The following DAB1 variants were observed in gnomAD, a reference collection of about 807,000 sequenced individuals.
DAB1 encodes disabled homolog 1.
Under a neutral mutation model 64.6 loss-of-function variants are expected in DAB1, and 15 were observed. The observed-to-expected ratio is 0.23, with a 90% CI of 0.16 to 0.36. The LOEUF (loss-of-function observed/expected upper bound fraction) is 0.36. DAB1 is among the 10% of genes least tolerant of loss of function. DAB1 has a pLI of 1.00. For synonymous variants in DAB1, 235 were observed against 251.9 expected, an observed-to-expected ratio of 0.93 and a Z score of 0.64; for missense variants, 596 against 706.7, an observed-to-expected ratio of 0.84 and a Z score of 1.78.
At chr1:57,911,545 A>C (rs1012326899) in intron 5 of DAB1, among the ~76,000 whole-genome samples, 4 of 151,644 alleles carry the variant, frequency 2.6e-5, no homozygotes, top group Non-Finnish European at 4.4e-5. Context: ...CTTACCAGCC[A>C]CTCCCAATCT....
chr1:57,572,044 C>T (rs1034270710), intron 7 of DAB1, among the ~76,000 whole-genome samples: 2 of 152,114 alleles, frequency 1.3e-5, no homozygotes, highest in African/African-American at 2.4e-5. Flanking sequence ...TGGAGGTGAC[C>T]GTCCTGGCCA....
chr1:57,345,448 G>C (rs753124607), intron 1 of DAB1, among the ~76,000 whole-genome samples: 1 of 152,208 alleles, frequency 6.6e-6, no homozygotes, highest in Admixed American at 6.5e-5. Context: ...GAGTAAAGGT[G>C]ATGAGGAATA....
chr1:58,534,976 A>T (rs1378508982), intron 1 of DAB1, among the ~76,000 whole-genome samples: 1 of 152,214 alleles, frequency 6.6e-6, no homozygotes, highest in Non-Finnish European at 1.5e-5. Context: ...GGAGAACTTA[A>T]GATTTCATCT....
chr1:58,370,231 A>C (rs1387526134), intron 3 of DAB1, among the ~76,000 whole-genome samples: 1 of 152,230 alleles, frequency 6.6e-6, no homozygotes, highest in Non-Finnish European at 1.5e-5. Flanking sequence ...GAATAGAACA[A>C]ATTCATACAG....
chr1:58,009,612 G>T (rs915438340), intron 5 of DAB1, among the ~76,000 whole-genome samples: 3 of 152,104 alleles, frequency 2.0e-5, no homozygotes, highest in African/African-American at 7.2e-5. Flanking sequence ...AGTTTAAGAA[G>T]AACTTAAGAA....
intron 2 of DAB1, among the ~76,000 whole-genome samples, chr1:57,165,946 T>C (rs1377525188): frequency 6.6e-6 from 1 of 152,190 alleles, no homozygotes. Flanking sequence ...TTAGACATTC[T>C]GATGGATGGG....
intron 7 of DAB1, among the ~76,000 whole-genome samples, chr1:57,499,200 T>C (rs936470687): frequency 9.2e-5 from 14 of 152,180 alleles, no homozygotes; most frequent in Admixed American, 7.8e-4. Flanking sequence ...GGTCTCGATC[T>C]CCTGACCTCG....
intron 7 of DAB1, among the ~76,000 whole-genome samples, chr1:57,546,098 T>TGTGTGTGTGTGTGTGC (rs869270008): frequency 7.2e-6 from 1 of 139,532 alleles, no homozygotes; most frequent in Non-Finnish European, 1.5e-5. Context: ...TGTGTGTGTG[T>TGTGTGTGTGTGTGTGC]GCGCGCACGT....
At chr1:58,541,614 C>CAAAAAAAAAAAAAAA (rs60360589) in intron 1 of DAB1, 22 of 65,612 alleles carry the variant, frequency 3.4e-4, no homozygotes, top group Non-Finnish European at 4.3e-4. Flanking sequence ...GAGAACCTGT[C>CAAAAAAAAAAAAAAA]AAAAAAAAAA....
chr1:58,358,887 C>T (rs1287031327), intron 3 of DAB1, among the ~76,000 whole-genome samples: 2 of 127,698 alleles, frequency 1.6e-5, no homozygotes, highest in Non-Finnish European at 3.3e-5. Flanking sequence ...TCCCCCCGTC[C>T]ACCTTCTGCC....
chr1:58,487,007 A>G (rs1408920936), intron 3 of DAB1, among the ~76,000 whole-genome samples: 1 of 152,238 alleles, frequency 6.6e-6, no homozygotes, highest in Non-Finnish European at 1.5e-5. Context: ...AGAAGCCACT[A>G]GAGGGTTTTA....
At chr1:57,558,196 C>T (rs758170024) in intron 7 of DAB1, among the ~76,000 whole-genome samples, 4 of 152,112 alleles carry the variant, frequency 2.6e-5, no homozygotes, top group Non-Finnish European at 5.9e-5. Context: ...AAAGAGCTTC[C>T]CCATCCCCAG....
rs542810512 is a variant in DAB1 at position 57,640,302 on chromosome 1, T to C, written n.625+9290A>G. On this transcript the variant is annotated intron_variant and non_coding_transcript_variant, in intron 7 of 20. Coordinates refer to the DAB1 transcript ENST00000485760. The stretch of plus-strand genomic sequence containing the variant: ...TTCTAGTTGAGGGGTATGTTTCCAG[T>C]GAGGTGGTGCACTCCTATTAATGTT... 6.6e-4 allele frequency among the ~76,000 whole-genome samples: 101 copies of C among 152,344 alleles called. 1 individual carries two copies. The highest frequency in any genetic ancestry group is 2.8e-4 in the Non-Finnish European group (19 of 68,024).
intron 3 of DAB1, among the ~76,000 whole-genome samples, chr1:58,411,389 G>C (rs338902): frequency 0.24 from 35,901 of 152,098 alleles, 4,368 homozygotes; most frequent in African/African-American, 0.28. Context: ...ATAATACTTT[G>C]AAGCTGGCAT....
At chr1:57,247,687 C>T (rs755006734) in intron 2 of DAB1, among the ~76,000 whole-genome samples, 2 of 152,222 alleles carry the variant, frequency 1.3e-5, no homozygotes, top group African/African-American at 4.8e-5. Flanking sequence ...ATTTTCTAGG[C>T]TTCCTTGTTG....
At chr1:57,647,661 T>C (rs1349981128) in intron 7 of DAB1, among the ~76,000 whole-genome samples, 1 of 152,198 alleles carries the variant, frequency 6.6e-6, no homozygotes, top group East Asian at 1.9e-4. Flanking sequence ...TAAAACAGAA[T>C]ATATCAATAG....
intron 3 of DAB1, among the ~76,000 whole-genome samples, chr1:58,400,042 C>G (rs1347824547): frequency 6.6e-6 from 1 of 151,752 alleles, no homozygotes; most frequent in Non-Finnish European, 1.5e-5. Flanking sequence ...CATAAGAATA[C>G]AGTATATTTT....
In DAB1 at chr1:57,123,261, C is replaced by T. The variant is rs1656828108; in HGVS notation, c.306+13282G>A. Reference sequence around the variant, plus strand: ...GATAGGCCAAGTCCTAAGAGAAATCCAACTTCAGTCAATTCTTAATATCCT... The same window carrying T: ...GATAGGCCAAGTCCTAAGAGAAATCTAACTTCAGTCAATTCTTAATATCCT... On this transcript the variant is annotated intron_variant, in intron 4 of 14. Coordinates refer to ENST00000371236, the MANE Select transcript of DAB1 (RefSeq NM_001365792.1). Among the ~76,000 whole-genome samples, 3 of 152,122 alleles carry T rather than the reference C, an allele frequency of 2.0e-5. No individual in the cohort carries two copies. The South Asian group carries it at 6.2e-4, about 32-fold the overall frequency.
At chr1:57,738,299 T>C (rs1647793264) in intron 6 of DAB1, among the ~76,000 whole-genome samples, 3 of 152,226 alleles carry the variant, frequency 2.0e-5, no homozygotes, top group East Asian at 3.8e-4. Context: ...ACCTATGCTA[T>C]AGTTTAAATT....
Sources: allele counts gnomAD v4.1 joint callset (sites outside exome capture counted in the v4.1 genomes callset), GRCh38; gene constraint gnomAD v4.1.1; transcripts MANE v1.5; gene names NCBI Gene and HGNC (gene_info 2026-07-23, HGNC 2026-07-21).